ZNF385B: variants seen among roughly 807,000 people sequenced by gnomAD.
The protein encoded by ZNF385B is zinc finger protein 385B, also known as zinc finger protein 533.
In ZNF385B, 23 loss-of-function variants were observed where a neutral mutation model predicts 39.2. The observed-to-expected ratio is 0.59, with a 90% CI of 0.42 to 0.83. The LOEUF (loss-of-function observed/expected upper bound fraction) is 0.83. Among genes scored for constraint, ZNF385B ranks in the 40% least tolerant of loss-of-function variants. The pLI is 0.00. For synonymous variants in ZNF385B, 205 were observed against 222.6 expected (o/e 0.92, Z 0.70); for missense variants, 552 against 598.9 (o/e 0.92, Z 0.82).
chr2:179,643,005 A>G (rs187080942), intron 3 of ZNF385B, among the ~76,000 whole-genome samples: 235 of 152,292 alleles, frequency 1.5e-3, no homozygotes, highest in Middle Eastern at 3.4e-3. Context: ...CTTTTCTGAT[A>G]GAACACAATT....
intron 1 of ZNF385B, among the ~76,000 whole-genome samples, chr2:179,812,875 G>A (rs1706823837): frequency 6.6e-6 from 1 of 151,806 alleles, no homozygotes; most frequent in Non-Finnish European, 1.5e-5. Flanking sequence ...TCTTTTCTAA[G>A]TTATTCCTTC....
intron 1 of ZNF385B, among the ~76,000 whole-genome samples, chr2:179,809,392 T>A (rs576458372): frequency 6.6e-6 from 1 of 152,178 alleles, no homozygotes; most frequent in Non-Finnish European, 1.5e-5. Context: ...ATTTTGTATA[T>A]CTTCATATTC....
chr2:179,840,211 C>A (rs1369410085), intron 1 of ZNF385B, among the ~76,000 whole-genome samples: 2 of 152,228 alleles, frequency 1.3e-5, no homozygotes, highest in Non-Finnish European at 2.9e-5. Flanking sequence ...CCCGGCACAG[C>A]CTGCCTTGTC....
At chr2:179,814,332 A>C in intron 1 of ZNF385B, 1 of 283,312 alleles carries the variant, frequency 3.5e-6, no homozygotes, top group Non-Finnish European at 7.1e-6. Flanking sequence ...CATGGCTGTC[A>C]TTCGCTTCGG....
chr2:179,701,964 C>T (rs1408446864), intron 3 of ZNF385B, among the ~76,000 whole-genome samples: 1 of 152,172 alleles, frequency 6.6e-6, no homozygotes, highest in Non-Finnish European at 1.5e-5. Flanking sequence ...GAATCCTCAG[C>T]TAAGGAATGT....
intron 4 of ZNF385B, among the ~76,000 whole-genome samples, chr2:179,537,854 C>T (rs1374227923): frequency 6.6e-6 from 1 of 151,644 alleles, no homozygotes; most frequent in Non-Finnish European, 1.5e-5. Flanking sequence ...TAGTTTTGTA[C>T]CACATTTCAA....
intron 3 of ZNF385B, among the ~76,000 whole-genome samples, chr2:179,589,504 T>G (rs1450456328): frequency 6.6e-6 from 1 of 152,172 alleles, no homozygotes; most frequent in African/African-American, 2.4e-5. Flanking sequence ...AGAAGTAGTG[T>G]GAAGATTTCT....
intron 3 of ZNF385B, among the ~76,000 whole-genome samples, chr2:179,712,745 A>G (rs926040945): frequency 1.3e-5 from 2 of 152,192 alleles, no homozygotes; most frequent in Non-Finnish European, 2.9e-5. Context: ...AGGAACATTA[A>G]AATTTGAGAA....
At chr2:179,445,955 C>T (rs2049430914) in intron 7 of ZNF385B, among the ~76,000 whole-genome samples, 1 of 151,760 alleles carries the variant, frequency 6.6e-6, no homozygotes, top group African/African-American at 2.4e-5. Flanking sequence ...AAAGATGACT[C>T]ATATTTTCAC....
intron 3 of ZNF385B, among the ~76,000 whole-genome samples, chr2:179,650,389 T>C (rs1170640667): frequency 6.6e-6 from 1 of 152,214 alleles, no homozygotes; most frequent in Non-Finnish European, 1.5e-5. Flanking sequence ...ATGGAGAATG[T>C]TTCCTTGATA....
chr2:179,625,280 T>C lies in ZNF385B; in HGVS notation c.299-80311A>G, dbSNP rs1020936978. On this transcript the variant is annotated intron_variant, in intron 3 of 9. Transcript: ENST00000410066. Reference sequence around the variant, plus strand: ...GATATGCAGTCTTTATCACTTTGCCTACTGGGAAGTTCAGATGCAAGAATA... The same window carrying C: ...GATATGCAGTCTTTATCACTTTGCCCACTGGGAAGTTCAGATGCAAGAATA... Among the ~76,000 whole-genome samples the C allele has an allele frequency of 3.9e-5, 6 of 152,238 alleles. No homozygotes were observed. The East Asian group carries it at 1.2e-3, about 29-fold the overall frequency.
At chr2:179,591,104 T>TACACACACAC (rs143269141) in intron 3 of ZNF385B, among the ~76,000 whole-genome samples, 2,620 of 149,798 alleles carry the variant, frequency 0.017, 33 homozygotes, top group African/African-American at 0.031. Flanking sequence ...ATGATTCATT[T>TACACACACAC]ACACACACAC....
intron 3 of ZNF385B, among the ~76,000 whole-genome samples, chr2:179,718,915 T>C (rs1363831343): frequency 6.6e-6 from 1 of 151,676 alleles, no homozygotes; most frequent in Non-Finnish European, 1.5e-5. Context: ...GAGAAGATAA[T>C]GTGAAGATTA....
At chr2:179,711,319 CTAT>C (rs1287492562) in intron 3 of ZNF385B, among the ~76,000 whole-genome samples, 3 of 152,148 alleles carry the variant, frequency 2.0e-5, no homozygotes, top group South Asian at 4.1e-4. Context: ...CTTTCTAAGA[CTAT>C]TATTATATAC....
intron 3 of ZNF385B, among the ~76,000 whole-genome samples, chr2:179,549,061 G>T (rs943555049): frequency 6.7e-6 from 1 of 149,286 alleles, no homozygotes; most frequent in African/African-American, 2.5e-5. Context: ...ATCATATAAT[G>T]TGTGATGTGG....
At chr2:179,539,787 T>C (rs951286472) in intron 4 of ZNF385B, among the ~76,000 whole-genome samples, 3 of 152,200 alleles carry the variant, frequency 2.0e-5, no homozygotes, top group African/African-American at 4.8e-5. Flanking sequence ...AAAGATTTTT[T>C]CTGTTGTTTC....
chr2:179,478,715 T>A lies in ZNF385B; in HGVS notation c.715+4557A>T, dbSNP rs553612168. Among the ~76,000 whole-genome samples, 82 of 152,332 alleles carry A rather than the reference T, an allele frequency of 5.4e-4. 2 individuals carry two copies. Among genetic ancestry groups the A allele is most frequent in the African/African-American group, 1.5e-3 (64 of 41,572 alleles). ...CATATTGATATCTAATTAATTTTTT[T>A]AAAAAATCCAATGCGAAAGCCCAGA... On this transcript the variant is annotated intron_variant, in intron 6 of 9. Transcript: ENST00000410066.
chr2:179,626,860 A>G (rs1161927223), intron 3 of ZNF385B, among the ~76,000 whole-genome samples: 2 of 152,212 alleles, frequency 1.3e-5, no homozygotes, highest in Admixed American at 1.3e-4. Context: ...CTGTTGAAAC[A>G]TGATCAAAAT....
chr2:179,456,213 T>A (rs1373109956), intron 6 of ZNF385B, among the ~76,000 whole-genome samples: 2 of 152,158 alleles, frequency 1.3e-5, no homozygotes, highest in African/African-American at 4.8e-5. Context: ...ACATGAACTT[T>A]GAAGAAAAAT....
Sources: allele counts gnomAD v4.1 joint callset (sites outside exome capture counted in the v4.1 genomes callset), GRCh38; gene constraint gnomAD v4.1.1; transcripts MANE v1.5; gene names NCBI Gene and HGNC (gene_info 2026-07-23, HGNC 2026-07-21).